The following MTMR3 variants were observed in gnomAD, a reference collection of about 807,000 sequenced individuals.
MTMR3 encodes the protein phosphatidylinositol-3,5-bisphosphate 3-phosphatase MTMR3.
MTMR3 carries 32 observed loss-of-function variants against 132.4 expected under a neutral mutation model. That is an observed-to-expected ratio of 0.24 (90% CI 0.18 to 0.32). The LOEUF (loss-of-function observed/expected upper bound fraction) is 0.32, where lower values mean the gene tolerates loss of function less well. MTMR3 is among the 10% of genes least tolerant of loss of function. The pLI, the probability that MTMR3 is intolerant of heterozygous loss-of-function variation, is 1.00. For missense variants in MTMR3, 1,216 were observed against 1,489.6 expected, an observed-to-expected ratio of 0.82 and a Z score of 3.02; for synonymous variants, 556 against 550.3, an observed-to-expected ratio of 1.01 and a Z score of -0.14.
At chr22:29,978,312 C>T (rs1406014391) in intron 3 of MTMR3, 130 bp from the exon 4 acceptor site, 3 of 610,294 alleles carry the variant, frequency 4.9e-6, no homozygotes, top group East Asian at 2.9e-5. Context: ...ATATTGTTTC[C>T]TTGAGCTTTT....
At chr22:29,919,383 T>C (rs903682447) in intron 1 of MTMR3, among the ~76,000 whole-genome samples, 2 of 152,228 alleles carry the variant, frequency 1.3e-5, no homozygotes, top group African/African-American at 4.8e-5. Flanking sequence ...TTATGTGCAT[T>C]GAAAGCAAAA....
At chr22:30,002,040 T>C (rs1210017351) in intron 8 of MTMR3, 3 of 152,236 alleles carry the variant, frequency 2.0e-5, no homozygotes, top group Non-Finnish European at 4.4e-5. Context: ...AAAGGCCTTA[T>C]TGCCTTCACT....
rs544517049 is a variant in MTMR3, at chr22:30,028,173, G to A, written c.*2372G>A. The stretch of plus-strand genomic sequence containing the variant: ...TCAGTAGTCATTACAACTACCTCTC[G>A]CCTCAAGGCTCCATTTTTAGCTGCT... On this transcript the variant is annotated 3_prime_UTR_variant, in exon 20 of 20. Transcript: ENST00000401950. The A allele has an allele frequency of 1.3e-5, 2 of 152,396 alleles. No individual in the cohort carries two copies. The highest frequency in any genetic ancestry group is 2.4e-5 in the African/African-American group (1 of 41,530). The allele number at this position is 152,396 out of a possible 1,614,324, so 9.4% of individuals were successfully genotyped here. A position where few individuals can be genotyped will look rare whatever the true frequency, so the allele number is the denominator to read the frequency against.
intron 2 of MTMR3, among the ~76,000 whole-genome samples, chr22:29,959,205 A>T (rs2066259141): frequency 6.6e-6 from 1 of 152,132 alleles, no homozygotes; most frequent in Admixed American, 6.6e-5. Flanking sequence ...GGTACTGATG[A>T]TGGAGCTGAG....
chr22:29,895,157 G>C (rs952016089), intron 1 of MTMR3, among the ~76,000 whole-genome samples: 5 of 152,122 alleles, frequency 3.3e-5, no homozygotes, highest in Non-Finnish European at 7.4e-5. Context: ...GCAGTGAGCT[G>C]AGATCGTGCC....
chr22:29,888,913 C>T (rs1171375151), intron 1 of MTMR3, among the ~76,000 whole-genome samples: 9 of 151,094 alleles, frequency 6.0e-5, no homozygotes, highest in Non-Finnish European at 1.3e-4. Flanking sequence ...GTCGTTAATA[C>T]TTTTATAACT....
At chr22:29,954,137 A>G (rs1602555411) in intron 1 of MTMR3, among the ~76,000 whole-genome samples, 1 of 144,492 alleles carries the variant, frequency 6.9e-6, no homozygotes, top group East Asian at 2.1e-4. Context: ...CTGAGAGTAC[A>G]GCATTGTAAT....
At chr22:29,959,229 T>C (rs1208695780) in intron 2 of MTMR3, among the ~76,000 whole-genome samples, 1 of 152,102 alleles carries the variant, frequency 6.6e-6, no homozygotes, top group Admixed American at 6.6e-5. Flanking sequence ...AGCATGCAGG[T>C]TCCAGCTGTC....
chr22:29,928,173 T>TTC (rs1210114558), intron 1 of MTMR3, among the ~76,000 whole-genome samples: 1 of 17,322 alleles, frequency 5.8e-5, no homozygotes, highest in African/African-American at 2.7e-4. Context: ...TTTTTTTTCT[T>TTC]TTTTTTTTTT....
rs78150106 is a variant in MTMR3, at chr22:29,933,679, G to GTC, written c.-137-23355_-137-23354dup. Among the ~76,000 whole-genome samples, 7,883 of 150,946 alleles carry GTC rather than the reference G, an allele frequency of 0.052. 920 individuals are homozygous for GTC. The East Asian group carries it at 0.54, about 10-fold the overall frequency. On this transcript the variant is annotated intron_variant, in intron 1 of 19. Transcript: ENST00000401950. ...AATCAGACTTTAGTCATCAATGATA[G>GTC]TCTTGTTCTTTGCACATAAAGATGA...
intron 1 of MTMR3, among the ~76,000 whole-genome samples, chr22:29,917,573 T>TA (rs367645791): frequency 2.6e-5 from 4 of 152,068 alleles, no homozygotes; most frequent in African/African-American, 9.7e-5. Flanking sequence ...TGTGCAATTT[T>TA]AAAAAAAAGT....
rs117807221 is a variant in MTMR3 at position 29,892,813 on chromosome 22, A to G, written c.-138+9454A>G. On this transcript the variant is annotated intron_variant, in intron 1 of 19. Coordinates refer to ENST00000401950, the MANE Select transcript of MTMR3 (RefSeq NM_021090.4). ...AAAAGAAATGAGATAATTTATATTG[A>G]AGATGATTGCTATATACAGTGCTTT... Among the ~76,000 whole-genome samples, 1,602 of 152,342 alleles carry G rather than the reference A, an allele frequency of 0.011. 52 individuals are homozygous for G. The East Asian group carries it at 0.13, about 12-fold the overall frequency.
intron 3 of MTMR3, among the ~76,000 whole-genome samples, chr22:29,975,020 GC>G (rs1218655686): frequency 3.9e-5 from 6 of 152,172 alleles, no homozygotes; most frequent in African/African-American, 1.4e-4. Flanking sequence ...GGGTTGGAGA[GC>G]AGTGGTGCAA....
chr22:29,982,723 C>A (rs1349648308), intron 5 of MTMR3: 2 of 152,162 alleles, frequency 1.3e-5, no homozygotes, highest in Admixed American at 6.5e-5. Context: ...CCGTAAACAT[C>A]ATTACTTTAA....
chr22:29,927,297 A>C (rs1668453205), intron 1 of MTMR3, among the ~76,000 whole-genome samples: 2 of 152,192 alleles, frequency 1.3e-5, no homozygotes, highest in African/African-American at 4.8e-5. Context: ...TGAGTTATTC[A>C]GCTTTGTCCT....
chr22:30,023,077 G>T, intron 19 of MTMR3: 1 of 389,322 alleles, frequency 2.6e-6, no homozygotes, highest in Non-Finnish European at 4.7e-6. Context: ...TTCCTTTCCT[G>T]CTCCCTGACC....
At chr22:29,980,230 G>A (rs1161994217) in intron 5 of MTMR3, 1 of 151,372 alleles carries the variant, frequency 6.6e-6, no homozygotes, top group East Asian at 1.9e-4. Context: ...TTTTTTGGTA[G>A]TTGACATTTT....
chr22:30,020,779 G>C lies in MTMR3; in HGVS notation c.3120G>C (p.Gln1040His), dbSNP rs1311941273. ...RLRQIESGHQ[Q>H]EVETLKKQVQ... ...GTCAGATTGAGTCAGGCCACCAGCA[G>C]GAAGTAGAAACTTTGAAGAAACAAG... Residue 1040 changes from glutamine (Q) to histidine (H), a missense_variant, in exon 17 of 20, where the codon CAG (glutamine) becomes CAC (histidine). Physicochemically the swap from Gln to His is conservative, Grantham distance 24 (BLOSUM62 0). Transcript: ENST00000401950. 6.2e-7 allele frequency: 1 copy of C among 1,613,998 alleles called. No homozygotes were observed. The highest frequency in any genetic ancestry group is 2.2e-5 in the East Asian group (1 of 44,906).
intron 1 of MTMR3, among the ~76,000 whole-genome samples, chr22:29,945,479 G>T (rs931903319): frequency 6.6e-6 from 1 of 151,928 alleles, no homozygotes; most frequent in Non-Finnish European, 1.5e-5. Flanking sequence ...AAGGTGGGAG[G>T]ATAGCTTGAA....
Sources: gnomAD v4.1 joint callset for allele counts (sites outside exome capture counted in the v4.1 genomes callset) on GRCh38, gnomAD v4.1.1 for gene constraint, MANE v1.5 for transcripts, NCBI Gene and HGNC (gene_info 2026-07-23, HGNC 2026-07-21) for gene names.